Variants in OR10K1 observed in about 807,000 individuals in gnomAD.
The protein encoded by OR10K1 is olfactory receptor 10K1.
For synonymous variants in OR10K1, 186 were observed against 152.5 expected (o/e 1.22, Z -1.62); for missense variants, 404 against 373.3 (o/e 1.08, Z -0.68).
chr1:158,467,072 T>C lies in OR10K1; in HGVS notation c.*569T>C, dbSNP rs2101667516. ...TGGGGTTGTTTTGTTCTTCCTTTGT[T>C]TGAGGTGGAACCACTTTATGGTTCT... On this transcript the variant is annotated 3_prime_UTR_variant, in exon 2 of 2. Coordinates refer to ENST00000641535, the MANE Select transcript of OR10K1 (RefSeq NM_001004473.2). 6.5e-6 allele frequency: 1 copy of C among 153,544 alleles called. No individual in the cohort carries two copies. The allele number at this position is 153,544 out of a possible 1,614,324, so 9.5% of individuals were successfully genotyped here.
intron 1 of OR10K1, 111 bp from the exon 2 acceptor site, chr1:158,465,295 G>T: frequency 2.0e-6 from 1 of 494,316 alleles, no homozygotes; most frequent in Non-Finnish European, 3.6e-6. Context: ...AAAACTATTA[G>T]CAAATTTCCT....
chr1:158,466,010 C>T lies in OR10K1; in HGVS notation c.449C>T (p.Ala150Val), dbSNP rs1192742538. ...ATGGGACTAATGGCTGCTGCCTGTG[C>T]CTGTGGCTTCACTGTCTCCCTGGTC... ...VCMGLMAAACACGFTVSLVTT... is the reference protein window; with the variant it reads ...VCMGLMAAACVCGFTVSLVTT... The change falls in exon 2 of 2, where the codon GCC becomes GTC. Residue 150 changes from alanine to valine, a missense_variant. Physicochemically the swap from Ala to Val is moderately conservative, Grantham distance 64 (BLOSUM62 0). Transcript: ENST00000641535. 6.2e-7 allele frequency: 1 copy of T among 1,614,084 alleles called. No individual in the cohort carries two copies.
At chr1:158,463,025 GT>G (rs1655957574) in intron 1 of OR10K1, among the ~76,000 whole-genome samples, 1 of 152,040 alleles carries the variant, frequency 6.6e-6, no homozygotes, top group African/African-American at 2.4e-5. Context: ...TACTATCTTA[GT>G]CAAAATTCCT....
chr1:158,463,871 G>T (rs2101665354), intron 1 of OR10K1, among the ~76,000 whole-genome samples: 1 of 152,046 alleles, frequency 6.6e-6, no homozygotes, highest in South Asian at 2.1e-4. Context: ...CTTTTTCTAT[G>T]TTTATGTACA....
chr1:158,465,446 C>G lies in OR10K1; in HGVS notation c.-116C>G. ...GGGAATGAAGAATTCCATCAAATAT[C>G]TGGAAATGCCTGCCACCTGCAAACT... On this transcript the variant is annotated 5_prime_UTR_variant, in exon 2 of 2. The change creates a new upstream start codon in the 5' untranslated region. Coordinates refer to ENST00000641535, the MANE Select transcript of OR10K1 (RefSeq NM_001004473.2). The G allele has an allele frequency of 1.3e-6, 1 of 753,764 alleles. No homozygotes were observed. The highest frequency in any genetic ancestry group is 2.2e-6 in the Non-Finnish European group (1 of 461,450). 46.7% of individuals were successfully genotyped at this position (753,764 alleles called of 1,614,324 possible). A position where few individuals can be genotyped will look rare whatever the true frequency, so the allele number is the denominator to read the frequency against.
In OR10K1 at chr1:158,466,860, A is replaced by C. The variant is rs1656053925; in HGVS notation, c.*357A>C. The C allele has an allele frequency of 7.0e-6, 1 of 142,216 alleles. No homozygotes were observed. The highest frequency in any genetic ancestry group is 3.1e-5 in the African/African-American group (1 of 32,160). 8.8% of individuals were successfully genotyped at this position (142,216 alleles called of 1,614,324 possible). A position where few individuals can be genotyped will look rare whatever the true frequency, so the allele number is the denominator to read the frequency against. On this transcript the variant is annotated 3_prime_UTR_variant, in exon 2 of 2. Transcript: ENST00000641535. The stretch of plus-strand genomic sequence containing the variant: ...CATCAGGAAAGAAAAGATGTATCCA[A>C]AAAAAAAAAAAGAAAGAAAAAAGAA...
rs1236840140 is a variant in OR10K1 at position 158,466,143 on chromosome 1, C to T, written c.582C>T (p.Phe194=). Residue 194 remains phenylalanine, a synonymous_variant, in exon 2 of 2, where the codon TTC becomes TTT. Coordinates refer to ENST00000641535, the MANE Select transcript of OR10K1 (RefSeq NM_001004473.2). ...VLKLASQHSG[F]SQLVIFMLGV... ...AACTGGCATCTCAGCACTCCGGCTTCAGTCAGCTGGTCATATTCATGCTTG... is the reference window on the plus strand; with the variant it reads ...AACTGGCATCTCAGCACTCCGGCTTTAGTCAGCTGGTCATATTCATGCTTG... The T allele has an allele frequency of 6.2e-7, 1 of 1,613,904 alleles. No homozygotes were observed. Among genetic ancestry groups the T allele is most frequent in the Admixed American group, 1.7e-5 (1 of 60,016 alleles).
At chr1:158,463,970 G>GA (rs1003367861) in intron 1 of OR10K1, among the ~76,000 whole-genome samples, 1 of 151,394 alleles carries the variant, frequency 6.6e-6, no homozygotes, top group Non-Finnish European at 1.5e-5. Context: ...AAGTAAGAAA[G>GA]AAAAAAAATC....
Position 158,465,569 on chromosome 1 carries a change from A to C in OR10K1, c.8A>C (p.Gln3Pro), listed in dbSNP as rs747744081. The C allele has an allele frequency of 1.2e-6, 2 of 1,613,636 alleles. No homozygotes were observed. The highest frequency in any genetic ancestry group is 4.5e-5 in the East Asian group (2 of 44,860). ME[Q>P]VNKTVVREFV... is the part of the protein sequence containing the mutation. Reference sequence around the variant, plus strand: ...TTTATAGAAGTGCTCTCCATGGAGCAAGTCAATAAGACTGTGGTGAGAGAG... The same window carrying C: ...TTTATAGAAGTGCTCTCCATGGAGCCAGTCAATAAGACTGTGGTGAGAGAG... The change falls in exon 2 of 2, where the codon CAA becomes CCA. Residue 3 changes from glutamine (Q) to proline (P), a missense_variant. Coordinates refer to ENST00000641535, the MANE Select transcript of OR10K1 (RefSeq NM_001004473.2).
At position 158,466,053 on chromosome 1, in the gene OR10K1, T is replaced by C. The variant is rs758534569; in HGVS notation, c.492T>C (p.Phe164=). Residue 164 remains phenylalanine, a synonymous_variant, in exon 2 of 2, where the codon TTT becomes TTC. Coordinates refer to ENST00000641535, the MANE Select transcript of OR10K1 (RefSeq NM_001004473.2). ...CCCTGGTCACCACCTCCCTAGTATT[T>C]CATCTGCCCTTCCACTCCTCCAACC... is the stretch of plus-strand genomic sequence containing the variant. ...TVSLVTTSLV[F]HLPFHSSNQL... is the part of the protein sequence containing the mutation. 2.5e-6 allele frequency: 4 copies of C among 1,614,080 alleles called. No homozygotes were observed. Among genetic ancestry groups the C allele is most frequent in the Non-Finnish European group, 3.4e-6 (4 of 1,179,992 alleles).
intron 1 of OR10K1, 134 bp from the exon 2 acceptor site, chr1:158,465,272 T>C: frequency 4.5e-6 from 2 of 445,516 alleles, no homozygotes; most frequent in South Asian, 6.0e-5. Context: ...AATCTCTCTG[T>C]TACATAAGAA....
In OR10K1 at chr1:158,466,289, C is replaced by G; in HGVS notation, c.728C>G (p.Ser243Cys). 6.2e-6 allele frequency: 10 copies of G among 1,614,142 alleles called. No individual in the cohort carries two copies. Among genetic ancestry groups the G allele is most frequent in the Non-Finnish European group, 8.5e-6 (10 of 1,179,976 alleles). Reference sequence around the variant, plus strand: ...TACAAGACCTTCTCCACCTGTGCCTCCCATCTCATTGTGGTAACTGTTCAC... The same window carrying G: ...TACAAGACCTTCTCCACCTGTGCCTGCCATCTCATTGTGGTAACTGTTCAC... ...GRYKTFSTCA[S>C]HLIVVTVHYS... The change falls in exon 2 of 2, where the codon TCC becomes TGC. Residue 243 changes from serine (S) to cysteine (C), a missense_variant. Physicochemically the swap from Ser to Cys is moderately radical, Grantham distance 112 (BLOSUM62 -1). Transcript: ENST00000641535.
rs187663401 is a variant in OR10K1 at position 158,467,207 on chromosome 1, C to T, written c.*704C>T. 3.2e-4 allele frequency: 48 copies of T among 152,186 alleles called. No individual in the cohort carries two copies. Among genetic ancestry groups the T allele is most frequent in the African/African-American group, 1.1e-3 (46 of 41,536 alleles). 9.4% of individuals were successfully genotyped at this position (152,186 alleles called of 1,614,324 possible). On this transcript the variant is annotated 3_prime_UTR_variant, in exon 2 of 2. Transcript: ENST00000641535. ...TCTTCAAGGAAGCTACTAGCATTGC[C>T]TACTTGCTGAAATATCTCAAGTAAT...
intron 1 of OR10K1, among the ~76,000 whole-genome samples, chr1:158,463,479 G>C (rs1257958730): frequency 1.3e-5 from 2 of 152,190 alleles, no homozygotes; most frequent in Non-Finnish European, 2.9e-5. Flanking sequence ...ACTAGAATCA[G>C]CTGTCCTCAT....
At position 158,466,510 on chromosome 1, in the gene OR10K1, A is replaced by G. The variant is rs1656047489; in HGVS notation, c.*7A>G. On this transcript the variant is annotated 3_prime_UTR_variant, in exon 2 of 2. Transcript: ENST00000641535. ...TTTCTATCCTCTTAGTTAAAGAGCT[A>G]TTTTTTAAACTACTAATGCCTAGTA... 1 of 1,583,806 alleles carries G rather than the reference A, an allele frequency of 6.3e-7. No individual in the cohort carries two copies. Among genetic ancestry groups the G allele is most frequent in the Middle Eastern group, 1.7e-4 (1 of 5,996 alleles).
chr1:158,465,835 A>G lies in OR10K1; in HGVS notation c.274A>G (p.Ile92Val), dbSNP rs1656023493. The G allele has an allele frequency of 6.8e-6, 11 of 1,613,996 alleles. No homozygotes were observed. The highest frequency in any genetic ancestry group is 9.3e-6 in the Non-Finnish European group (11 of 1,180,030). Reference sequence around the variant, plus strand: ...TGACCTGCTGTCCCAGAAGAAGACCATTTCTTTCCTGGGCTGTGCCATCCA... The same window carrying G: ...TGACCTGCTGTCCCAGAAGAAGACCGTTTCTTTCCTGGGCTGTGCCATCCA... The part of the protein sequence containing the change: ...LVDLLSQKKT[I>V]SFLGCAIQMF... Residue 92 changes from isoleucine (I) to valine (V), a missense_variant, in exon 2 of 2, where the codon ATT (isoleucine) becomes GTT (valine). Ile to Val is a conservative substitution (Grantham distance 29). Transcript: ENST00000641535.
rs1288453919 is a variant in OR10K1, at chr1:158,463,998, A to G, written c.-156-1408A>G. Among the ~76,000 whole-genome samples the G allele has an allele frequency of 2.0e-5, 3 of 152,190 alleles. No homozygotes were observed. The East Asian group carries it at 5.8e-4, about 29-fold the overall frequency. The stretch of plus-strand genomic sequence containing the variant: ...AAAAAATCATCTCCAAATTCTATGA[A>G]TAGATATAATGAATTTCAAGAATGC... On this transcript the variant is annotated intron_variant, in intron 1 of 1. Coordinates refer to ENST00000641535, the MANE Select transcript of OR10K1 (RefSeq NM_001004473.2).
chr1:158,464,325 TAGTGGCAGA>T (rs1334561611), intron 1 of OR10K1, among the ~76,000 whole-genome samples: 5 of 152,202 alleles, frequency 3.3e-5, no homozygotes, highest in Admixed American at 3.3e-4. Flanking sequence ...AAAATATTTT[TAGTGGCAGA>T]ATGTTCAAAA....
rs560574553 is a variant in OR10K1 at position 158,466,106 on chromosome 1, C to T, written c.545C>T (p.Ser182Phe). ...NQLHHFFCDI[S>F]PVLKLASQHS... is the part of the protein sequence containing the mutation. ...CTCCATCACTTCTTCTGTGACATCT[C>T]CCCTGTCCTTAAACTGGCATCTCAG... Residue 182 changes from serine to phenylalanine, a missense_variant, in exon 2 of 2, where the codon TCC becomes TTC. By Grantham distance (155) the Ser-to-Phe change is radical (BLOSUM62 -2). Transcript: ENST00000641535. 1.9e-5 allele frequency: 31 copies of T among 1,613,972 alleles called. No individual in the cohort carries two copies. The East Asian group carries it at 6.7e-4, about 35-fold the overall frequency.
Sources: allele counts gnomAD v4.1 joint callset (sites outside exome capture counted in the v4.1 genomes callset), GRCh38; gene constraint gnomAD v4.1.1; transcripts MANE v1.5; gene names NCBI Gene and HGNC (gene_info 2026-07-23, HGNC 2026-07-21).